ZNF407: variants seen among roughly 807,000 people sequenced by gnomAD.
The protein encoded by ZNF407 is zinc finger protein 407.
A neutral mutation model predicts 131.2 loss-of-function variants in ZNF407; 17 were observed. The ratio of observed to expected loss-of-function variants is 0.13; its 90% CI spans 0.09 to 0.19. The LOEUF is 0.19. Ranked by LOEUF, ZNF407 falls within the 10% of genes least tolerant of loss-of-function variation. The pLI is 1.00. For missense variants in ZNF407, 2,681 were observed against 2,830.6 expected, an observed-to-expected ratio of 0.95 and a Z score of 1.20; for synonymous variants, 1,156 against 1,062.0, an observed-to-expected ratio of 1.09 and a Z score of -1.72.
intron 7 of ZNF407, among the ~76,000 whole-genome samples, chr18:74,913,242 G>A (rs1198601442): frequency 2.6e-5 from 4 of 152,210 alleles, no homozygotes; most frequent in African/African-American, 9.6e-5. Context: ...GAAATGGAAA[G>A]CATTCTACAG....
chr18:74,783,948 G>A (rs1969657511), intron 4 of ZNF407, among the ~76,000 whole-genome samples: 2 of 152,192 alleles, frequency 1.3e-5, no homozygotes, highest in African/African-American at 4.8e-5. Context: ...GACCCCAGCA[G>A]CAGTATAATT....
chr18:74,791,577 T>C (rs924136227), intron 4 of ZNF407, among the ~76,000 whole-genome samples: 1 of 152,184 alleles, frequency 6.6e-6, no homozygotes, highest in Non-Finnish European at 1.5e-5. Flanking sequence ...TTTTCACTCA[T>C]TGCCATACAG....
Position 74,632,049 on chromosome 18 carries a change from C to T in ZNF407, c.1030C>T (p.Leu344Phe). Residue 344 changes from leucine (L) to phenylalanine (F), a missense_variant, in exon 2 of 9, where the codon CTT becomes TTT. Around this residue, in one of 6 missense-constraint regions of ZNF407, gnomAD observed 1,789 missense variants for 1,748.7 expected, o/e 1.02. Transcript: ENST00000299687. ...ISKQSGSSSE[L>F]LVEMMPSRNT... is the part of the protein sequence containing the mutation. ...TAAACAAAGTGGTAGTAGCAGTGAG[C>T]TTCTTGTTGAAATGATGCCTTCCAG... The T allele has an allele frequency of 1.2e-6, 2 of 1,613,722 alleles. No individual in the cohort carries two copies. The highest frequency in any genetic ancestry group is 1.7e-6 in the Non-Finnish European group (2 of 1,179,818).
intron 3 of ZNF407, among the ~76,000 whole-genome samples, chr18:74,744,056 A>C (rs1968611959): frequency 6.6e-6 from 1 of 152,160 alleles, no homozygotes; most frequent in African/African-American, 2.4e-5. Context: ...TTTGGCTCTC[A>C]AGTTATTTCT....
intron 3 of ZNF407, among the ~76,000 whole-genome samples, chr18:74,643,984 A>G (rs1258256429): frequency 1.3e-5 from 2 of 151,952 alleles, no homozygotes; most frequent in Non-Finnish European, 2.9e-5. Context: ...AGCTGAATGT[A>G]TTAGATGCCT....
chr18:74,700,676 A>G (rs2144820278), intron 3 of ZNF407, among the ~76,000 whole-genome samples: 1 of 152,342 alleles, frequency 6.6e-6, no homozygotes, highest in Non-Finnish European at 1.5e-5. Flanking sequence ...CTTAGTCCCC[A>G]AACTCTGTTA....
chr18:74,963,810 G>T (rs1363725098), intron 8 of ZNF407, among the ~76,000 whole-genome samples: 2 of 152,132 alleles, frequency 1.3e-5, no homozygotes, highest in African/African-American at 4.8e-5. Flanking sequence ...TTTAACTAGA[G>T]AATTTAATAT....
intron 4 of ZNF407, among the ~76,000 whole-genome samples, chr18:74,875,875 T>C (rs1293960394): frequency 6.6e-6 from 1 of 152,204 alleles, no homozygotes; most frequent in Non-Finnish European, 1.5e-5. Context: ...TATTTTTATT[T>C]CTATTACATT....
At chr18:74,736,576 T>G (rs1247490648) in intron 3 of ZNF407, among the ~76,000 whole-genome samples, 1 of 152,180 alleles carries the variant, frequency 6.6e-6, no homozygotes, top group Non-Finnish European at 1.5e-5. Flanking sequence ...GCTTAATTAG[T>G]ACTATTTCTG....
intron 1 of ZNF407, among the ~76,000 whole-genome samples, chr18:74,598,767 C>T (rs1234813955): frequency 6.6e-6 from 1 of 152,270 alleles, no homozygotes; most frequent in Non-Finnish European, 1.5e-5. Context: ...CACCTCTTTC[C>T]AGCCAGCTAG....
At position 74,632,858 on chromosome 18, in the gene ZNF407, G is replaced by T; in HGVS notation, c.1839G>T (p.Met613Ile). 6.2e-7 allele frequency: 1 copy of T among 1,613,460 alleles called. No individual in the cohort carries two copies. Among genetic ancestry groups the T allele is most frequent in the South Asian group, 1.1e-5 (1 of 91,062 alleles). ...ACCACATGAAGGAAAAGCACAATATGCATTTTCTTTGCACCCCTTGTAATC... is the reference window on the plus strand; with the variant it reads ...ACCACATGAAGGAAAAGCACAATATTCATTTTCTTTGCACCCCTTGTAATC... ...LRDHMKEKHN[M>I]HFLCTPCNLF... The change falls in exon 2 of 9, where the codon ATG becomes ATT. Residue 613 changes from methionine to isoleucine, a missense_variant. Around this residue, in one of 6 missense-constraint regions of ZNF407, gnomAD observed 1,789 missense variants for 1,748.7 expected, o/e 1.02. Coordinates refer to ENST00000299687, the MANE Select transcript of ZNF407 (RefSeq NM_017757.3).
At chr18:74,674,979 G>A (rs1986297803) in intron 3 of ZNF407, among the ~76,000 whole-genome samples, 1 of 152,066 alleles carries the variant, frequency 6.6e-6, no homozygotes, top group African/African-American at 2.4e-5. Flanking sequence ...GCATTTTATT[G>A]CTTATTTGAA....
At chr18:75,049,360 A>G (rs550119404) in intron 8 of ZNF407, among the ~76,000 whole-genome samples, 1 of 152,318 alleles carries the variant, frequency 6.6e-6, no homozygotes, top group African/African-American at 2.4e-5. Context: ...TCACTAACAT[A>G]GCCTGGGATC....
At chr18:74,609,868 GTA>G (rs1184254543) in intron 1 of ZNF407, among the ~76,000 whole-genome samples, 2 of 152,228 alleles carry the variant, frequency 1.3e-5, no homozygotes, top group Non-Finnish European at 2.9e-5. Flanking sequence ...GTCACCCTAA[GTA>G]TCCTGTGGCT....
intron 4 of ZNF407, among the ~76,000 whole-genome samples, chr18:74,846,964 G>A (rs147012149): frequency 1.7e-3 from 263 of 151,212 alleles, no homozygotes; most frequent in African/African-American, 6.2e-3. Flanking sequence ...ACTGCACTCC[G>A]GCCTGGGCGA....
intron 8 of ZNF407, among the ~76,000 whole-genome samples, chr18:74,975,117 A>T (rs932948570): frequency 6.6e-6 from 1 of 152,196 alleles, no homozygotes; most frequent in African/African-American, 2.4e-5. Context: ...CATTTAGCAT[A>T]AGCAGAGTTG....
rs1332633979 is a variant in ZNF407 at position 74,879,324 on chromosome 18, A to AAACACT, written c.5045-1711_5045-1706dup. Among the ~76,000 whole-genome samples the AAACACT allele has an allele frequency of 4.3e-4, 66 of 152,244 alleles. 1 individual carries two copies. The highest frequency in any genetic ancestry group is 1.6e-3 in the African/African-American group (65 of 41,534). The stretch of plus-strand genomic sequence containing the variant: ...TTTTGCTTATTGAATGATATGGCAC[A>AAACACT]AACACTCCCACTAGCACACACCACC... On this transcript the variant is annotated intron_variant, in intron 5 of 8. Coordinates refer to ENST00000299687, the MANE Select transcript of ZNF407 (RefSeq NM_017757.3).
At chr18:74,954,352 C>T (rs1972251818) in intron 8 of ZNF407, among the ~76,000 whole-genome samples, 1 of 152,086 alleles carries the variant, frequency 6.6e-6, no homozygotes, top group Admixed American at 6.5e-5. Context: ...TATCTTTAAT[C>T]TATATCATAA....
chr18:74,957,276 C>T (rs28613212), intron 8 of ZNF407, among the ~76,000 whole-genome samples: 142 of 152,222 alleles, frequency 9.3e-4, no homozygotes, highest in African/African-American at 3.1e-3. Context: ...TGGGGGCAAC[C>T]GGCACAGTCA....
Sources: gnomAD v4.1 joint callset for allele counts (sites outside exome capture counted in the v4.1 genomes callset) on GRCh38, gnomAD v4.1.1 for gene constraint, gnomAD v4.1.1 regional missense constraint, MANE v1.5 for transcripts, NCBI Gene and HGNC (gene_info 2026-07-23, HGNC 2026-07-21) for gene names.